HTRA1: variants seen among roughly 807,000 people sequenced by gnomAD.
The protein encoded by HTRA1 is serine protease HTRA1.
Under a neutral mutation model 49.7 loss-of-function variants are expected in HTRA1, and 26 were observed. The observed-to-expected ratio is 0.52, with a 90% CI of 0.38 to 0.73. The LOEUF (loss-of-function observed/expected upper bound fraction) is 0.73. HTRA1 is among the 30% of genes least tolerant of loss of function. HTRA1 has a pLI of 0.00. For synonymous variants in HTRA1, 291 were observed against 286.9 expected (o/e 1.01, Z -0.14); for missense variants, 561 against 667.2 (o/e 0.84, Z 1.75).
At chr10:122,489,679 T>C in intron 3 of HTRA1, 53 bp downstream of exon 3, 2 of 1,525,012 alleles carry the variant, frequency 1.3e-6, no homozygotes, top group South Asian at 1.1e-5. Context: ...CGGAACACCC[T>C]TGGCAAAGGC....
intron 8 of HTRA1, 64 bp from the exon 9 acceptor site, chr10:122,514,127 T>A (rs762508019): frequency 6.6e-7 from 1 of 1,504,828 alleles, no homozygotes; most frequent in Non-Finnish European, 9.2e-7. Flanking sequence ...TCTGTCCATG[T>A]AAAGTCAGAC....
chr10:122,504,542 G>A (rs1455893818), intron 3 of HTRA1, among the ~76,000 whole-genome samples: 6 of 152,072 alleles, frequency 3.9e-5, no homozygotes, highest in Non-Finnish European at 5.9e-5. Context: ...AGGCCACCCC[G>A]CTCCATTAAC....
Position 122,494,663 on chromosome 10 carries a change from G to A in HTRA1, c.777+5037G>A, listed in dbSNP as rs2097497754. Among the ~76,000 whole-genome samples the A allele has an allele frequency of 2.0e-5, 3 of 151,362 alleles. No individual in the cohort carries two copies. The highest frequency in any genetic ancestry group is 2.0e-4 in the Admixed American group (3 of 15,244). ...GCCTGCGCCACCCCCCCAACCCCAC[G>A]GCCACCTTTGGGCCAGATGGCACCC... On this transcript the variant is annotated intron_variant, in intron 3 of 8. Transcript: ENST00000368984. This position sits in a 1 kb window ranked among gnomAD's most constrained non-coding sequence, Gnocchi z 4.0.
At chr10:122,480,041 A>G (rs1326861285) in intron 1 of HTRA1, among the ~76,000 whole-genome samples, 1 of 152,132 alleles carries the variant, frequency 6.6e-6, no homozygotes, top group East Asian at 1.9e-4. Context: ...AAGATGGGGC[A>G]TGATATTTAG....
In HTRA1 at chr10:122,514,740, G is replaced by A. The variant is rs1008899755; in HGVS notation, c.*381G>A. The A allele has an allele frequency of 1.4e-5, 4 of 293,284 alleles. No individual in the cohort carries two copies. The highest frequency in any genetic ancestry group is 2.2e-5 in the African/African-American group (1 of 45,922). The allele number at this position is 293,284 out of a possible 1,614,324, so 18.2% of individuals were successfully genotyped here. A position where few individuals can be genotyped will look rare whatever the true frequency, so the allele number is the denominator to read the frequency against. ...CACGGGAGCCAGGATGGGACTGGTC[G>A]TGTTTGTGCTTTTCTCCAAGTCAGC... On this transcript the variant is annotated 3_prime_UTR_variant, in exon 9 of 9. Transcript: ENST00000368984.
intron 1 of HTRA1, among the ~76,000 whole-genome samples, chr10:122,467,696 G>A (rs1156454679): frequency 6.6e-6 from 1 of 151,990 alleles, no homozygotes; most frequent in African/African-American, 2.4e-5. Context: ...CTTCCCTGGG[G>A]CTCCAAGGCC....
intron 1 of HTRA1, among the ~76,000 whole-genome samples, chr10:122,472,284 T>C (rs578141923): frequency 1.3e-5 from 2 of 151,938 alleles, no homozygotes; most frequent in South Asian, 2.1e-4. Flanking sequence ...TTTAAAATTA[T>C]AAATGTAATT....
intron 3 of HTRA1, among the ~76,000 whole-genome samples, chr10:122,497,480 C>T (rs2097499233): frequency 6.6e-6 from 1 of 152,196 alleles, no homozygotes; most frequent in Non-Finnish European, 1.5e-5. Flanking sequence ...AGAGTGCCTT[C>T]AGGGCAGTTC....
intron 1 of HTRA1, among the ~76,000 whole-genome samples, chr10:122,485,226 T>G (rs2097492578): frequency 6.6e-6 from 1 of 152,262 alleles, no homozygotes; most frequent in South Asian, 2.1e-4. Context: ...TTCTGTTTAG[T>G]TATTCCTGTT....
intron 1 of HTRA1, among the ~76,000 whole-genome samples, chr10:122,463,415 C>T (rs752229040): frequency 6.6e-6 from 1 of 152,214 alleles, no homozygotes; most frequent in Non-Finnish European, 1.5e-5. Flanking sequence ...GATGATAGCA[C>T]ACGTCTGTTG....
chr10:122,499,433 T>C (rs2097500022), intron 3 of HTRA1, among the ~76,000 whole-genome samples: 2 of 152,250 alleles, frequency 1.3e-5, no homozygotes, highest in Admixed American at 6.5e-5. Flanking sequence ...GTATGCTTTA[T>C]GAACAAGGAG....
At chr10:122,498,327 A>G (rs1166982841) in intron 3 of HTRA1, among the ~76,000 whole-genome samples, 2 of 152,086 alleles carry the variant, frequency 1.3e-5, no homozygotes, top group Admixed American at 6.6e-5. Flanking sequence ...AGTTGGAGAA[A>G]CATGATGGCA....
chr10:122,502,063 C>T (rs1028858532), intron 3 of HTRA1, among the ~76,000 whole-genome samples: 1 of 137,826 alleles, frequency 7.3e-6, no homozygotes, highest in Non-Finnish European at 1.5e-5. Flanking sequence ...TGTGTTTGGC[C>T]CTTATGGAAG....
rs2097495527 is a variant in HTRA1 at position 122,490,973 on chromosome 10, G to A, written c.777+1347G>A. ...GGCCAGGCATGGCCGAAGAGGCTCT[G>A]GGTAGATATAGGCTCTGTGCCCGGT... On this transcript the variant is annotated intron_variant, in intron 3 of 8. Transcript: ENST00000368984. This position sits in a 1 kb window ranked among gnomAD's most constrained non-coding sequence, Gnocchi z 4.2. Among the ~76,000 whole-genome samples, 1 of 152,186 alleles carries A rather than the reference G, an allele frequency of 6.6e-6. No individual in the cohort carries two copies. Among genetic ancestry groups the A allele is most frequent in the South Asian group, 2.1e-4 (1 of 4,830 alleles).
At chr10:122,510,388 C>T (rs931294617) in intron 7 of HTRA1, among the ~76,000 whole-genome samples, 2 of 152,210 alleles carry the variant, frequency 1.3e-5, no homozygotes, top group Admixed American at 6.5e-5. Context: ...GCAGGCCCTC[C>T]GGTGTAGAAG....
intron 8 of HTRA1, among the ~76,000 whole-genome samples, chr10:122,513,713 G>A (rs1012371890): frequency 1.4e-5 from 2 of 145,926 alleles, no homozygotes; most frequent in Middle Eastern, 3.4e-3. Flanking sequence ...CCAATCTACC[G>A]ATGGTTTATT....
intron 1 of HTRA1, among the ~76,000 whole-genome samples, chr10:122,479,259 C>G (rs978953947): frequency 2.6e-5 from 4 of 152,146 alleles, no homozygotes; most frequent in Admixed American, 6.5e-5. Flanking sequence ...ATGGTGTGGG[C>G]TGCGGGGGGC....
At chr10:122,500,555 G>A (rs1389750561) in intron 3 of HTRA1, among the ~76,000 whole-genome samples, 2 of 152,210 alleles carry the variant, frequency 1.3e-5, no homozygotes, top group African/African-American at 4.8e-5. Context: ...CAGCCCAGAT[G>A]TCCTACTGTC....
intron 1 of HTRA1, among the ~76,000 whole-genome samples, chr10:122,478,096 A>G (rs4752700): frequency 0.52 from 79,593 of 152,126 alleles, 22,409 homozygotes; most frequent in African/African-American, 0.73. Flanking sequence ...AATCCTGGCC[A>G]TAGTTGGTAC....
Sources: allele counts gnomAD v4.1 joint callset (sites outside exome capture counted in the v4.1 genomes callset), GRCh38; gene constraint gnomAD v4.1.1; non-coding constraint Gnocchi (gnomAD v3.1); transcripts MANE v1.5; gene names NCBI Gene and HGNC (gene_info 2026-07-23, HGNC 2026-07-21).